The following XKR4 variants were observed in gnomAD, a reference collection of about 807,000 sequenced individuals.
The protein encoded by XKR4 is XK-related protein 4.
In XKR4, 12 loss-of-function variants were observed where a neutral mutation model predicts 53.9. The observed-to-expected ratio is 0.22, with a 90% confidence interval of 0.14 to 0.36. XKR4 has a LOEUF of 0.36. XKR4 is among the 10% of genes least tolerant of loss of function. The probability of loss-of-function intolerance (pLI) is 1.00; values close to 1 mark genes in which losing one functional copy is unlikely to be tolerated. For missense variants in XKR4, 799 were observed against 859.5 expected (o/e 0.93, Z 0.88); for synonymous variants, 354 against 362.4 (o/e 0.98, Z 0.26).
chr8:55,454,213 C>A lies in XKR4; in HGVS notation c.1007-69068C>A, dbSNP rs942067954. 1.4e-5 allele frequency: 15 copies of A among 1,072,168 alleles called. No homozygotes were observed. The Admixed American group carries it at 2.5e-4, about 18-fold the overall frequency. 66.4% of individuals were successfully genotyped at this position (1,072,168 alleles called of 1,614,324 possible). A position where few individuals can be genotyped will look rare whatever the true frequency, so the allele number is the denominator to read the frequency against. On this transcript the variant is annotated intron_variant, in intron 2 of 2. Coordinates refer to ENST00000327381, the MANE Select transcript of XKR4 (RefSeq NM_052898.2). ...GTGGCTCTAGCAAGGGTGGAATGTG[C>A]ACACACTCAGGGATGGTCACCGTCT...
chr8:55,119,707 T>C (rs1816364650), intron 1 of XKR4, among the ~76,000 whole-genome samples: 1 of 152,072 alleles, frequency 6.6e-6, no homozygotes, highest in African/African-American at 2.4e-5. Flanking sequence ...GAGAAAGAAG[T>C]TTCCTGTACT....
At chr8:55,338,035 A>G (rs1034085209) in intron 1 of XKR4, among the ~76,000 whole-genome samples, 1 of 152,214 alleles carries the variant, frequency 6.6e-6, no homozygotes, top group Non-Finnish European at 1.5e-5. Context: ...AAATAGGCCA[A>G]TTTGGCCTGC....
intron 1 of XKR4, among the ~76,000 whole-genome samples, chr8:55,246,841 G>T (rs1469109846): frequency 1.3e-5 from 2 of 151,854 alleles, no homozygotes; most frequent in African/African-American, 2.4e-5. Context: ...TGTAACAGGA[G>T]AATAATGAGA....
intron 1 of XKR4, among the ~76,000 whole-genome samples, chr8:55,334,963 C>G (rs1003134771): frequency 6.6e-5 from 10 of 152,124 alleles, no homozygotes; most frequent in African/African-American, 2.2e-4. Context: ...GGCTTTGGAT[C>G]AGCTCTTTAG....
At chr8:55,440,527 A>G (rs185340201) in intron 2 of XKR4, among the ~76,000 whole-genome samples, 240 of 152,248 alleles carry the variant, frequency 1.6e-3, no homozygotes, top group African/African-American at 4.9e-3. Flanking sequence ...CCTTAGGTTA[A>G]ATATGCACAT....
intron 2 of XKR4, among the ~76,000 whole-genome samples, chr8:55,466,651 T>C (rs1206801398): frequency 6.6e-6 from 1 of 152,054 alleles, no homozygotes; most frequent in Non-Finnish European, 1.5e-5. Flanking sequence ...AAAATATATA[T>C]GGATAAGCAC....
At position 55,533,206 on chromosome 8, in the gene XKR4, T is replaced by G. The variant is rs1806979179; in HGVS notation, c.*8979T>G. Reference sequence around the variant, plus strand: ...ATTGTGAGTCTAGAAAATGAGCACTTTGTGTGTTGAGCGCTGTTGCATTCA... The same window carrying G: ...ATTGTGAGTCTAGAAAATGAGCACTGTGTGTGTTGAGCGCTGTTGCATTCA... On this transcript the variant is annotated 3_prime_UTR_variant, in exon 3 of 3. Transcript: ENST00000327381. 6.6e-6 allele frequency: 1 copy of G among 152,182 alleles called. No homozygotes were observed. The highest frequency in any genetic ancestry group is 2.4e-5 in the African/African-American group (1 of 41,440). 9.4% of individuals were successfully genotyped at this position (152,182 alleles called of 1,614,324 possible). A position where few individuals can be genotyped will look rare whatever the true frequency, so the allele number is the denominator to read the frequency against.
chr8:55,347,350 T>C (rs1803664112), intron 1 of XKR4, among the ~76,000 whole-genome samples: 1 of 152,026 alleles, frequency 6.6e-6, no homozygotes, highest in African/African-American at 2.4e-5. Flanking sequence ...GCCTGTGTTG[T>C]GGAGGGGATG....
At position 55,529,166 on chromosome 8, in the gene XKR4, T is replaced by C. The variant is rs1314161715; in HGVS notation, c.*4939T>C. 1 of 151,802 alleles carries C rather than the reference T, an allele frequency of 6.6e-6. No homozygotes were observed. The highest frequency in any genetic ancestry group is 1.5e-5 in the Non-Finnish European group (1 of 67,998). 9.4% of individuals were successfully genotyped at this position (151,802 alleles called of 1,614,324 possible). The stretch of plus-strand genomic sequence containing the variant: ...ATTTAATTTTGCTAATTGAAGCAAT[T>C]AGTCTAACATGCAAGCAGCCTGCTC... On this transcript the variant is annotated 3_prime_UTR_variant, in exon 3 of 3. Transcript: ENST00000327381.
At chr8:55,247,125 A>G (rs4737279) in intron 1 of XKR4, among the ~76,000 whole-genome samples, 75,901 of 151,832 alleles carry the variant, frequency 0.5, 21,833 homozygotes, top group Non-Finnish European at 0.66. Context: ...TTTTTAAGCC[A>G]AAGAGGAGAA....
intron 1 of XKR4, among the ~76,000 whole-genome samples, chr8:55,315,391 C>A (rs1030819335): frequency 6.6e-6 from 1 of 152,162 alleles, no homozygotes; most frequent in African/African-American, 2.4e-5. Context: ...ATTAATATTG[C>A]AAAATAAGTA....
At position 55,438,423 on chromosome 8, in the gene XKR4, T is replaced by TAA. The variant is rs570334731; in HGVS notation, c.1006+80554_1006+80555dup. Reference sequence around the variant, plus strand: ...CAACATGGTGAAACCCCGTCTCTATTAAAAAAAAATACAAAAATGAGCCGG... The same window carrying TAA: ...CAACATGGTGAAACCCCGTCTCTATTAAAAAAAAAAATACAAAAATGAGCCGG... On this transcript the variant is annotated intron_variant, in intron 2 of 2. Transcript: ENST00000327381. Among the ~76,000 whole-genome samples the TAA allele has an allele frequency of 9.7e-3, 1,453 of 149,808 alleles. 24 individuals are homozygous for TAA. Among genetic ancestry groups the TAA allele is most frequent in the African/African-American group, 0.033 (1,330 of 40,812 alleles).
chr8:55,234,876 G>A (rs898810194), intron 1 of XKR4, among the ~76,000 whole-genome samples: 3 of 152,270 alleles, frequency 2.0e-5, no homozygotes, highest in East Asian at 1.9e-4. Flanking sequence ...CAGGGTGACC[G>A]GGAACATGAG....
chr8:55,139,203 G>A (rs570495256), intron 1 of XKR4, among the ~76,000 whole-genome samples: 18 of 152,112 alleles, frequency 1.2e-4, no homozygotes, highest in Non-Finnish European at 2.4e-4. Context: ...GGGATCCCAC[G>A]TGCTGATGAG....
chr8:55,319,722 G>A (rs554894570), intron 1 of XKR4, among the ~76,000 whole-genome samples: 1 of 152,100 alleles, frequency 6.6e-6, no homozygotes, highest in African/African-American at 2.4e-5. Context: ...ACCTACATTA[G>A]GCAAAAGCTA....
chr8:55,343,486 C>A (rs1236425910), intron 1 of XKR4, among the ~76,000 whole-genome samples: 8 of 152,176 alleles, frequency 5.3e-5, no homozygotes, highest in East Asian at 1.9e-4. Context: ...GCCCATGAAG[C>A]CTTTCGGCAT....
intron 2 of XKR4, among the ~76,000 whole-genome samples, chr8:55,388,657 A>C (rs1404952624): frequency 6.6e-6 from 1 of 152,138 alleles, no homozygotes; most frequent in Non-Finnish European, 1.5e-5. Context: ...CCATGACCTA[A>C]TCACCTCCCA....
intron 1 of XKR4, among the ~76,000 whole-genome samples, chr8:55,225,546 C>T (rs1269794605): frequency 6.6e-6 from 1 of 152,204 alleles, no homozygotes; most frequent in African/African-American, 2.4e-5. Context: ...CCATTCTCCT[C>T]CTATGGAGAC....
intron 2 of XKR4, chr8:55,453,636 T>G: frequency 4.7e-6 from 2 of 423,598 alleles, no homozygotes; most frequent in Non-Finnish European, 9.1e-6. Flanking sequence ...TGGTCCACGA[T>G]CCACTGCATG....
Sources: gnomAD v4.1 joint callset for allele counts (sites outside exome capture counted in the v4.1 genomes callset) on GRCh38, gnomAD v4.1.1 for gene constraint, MANE v1.5 for transcripts, NCBI Gene and HGNC (gene_info 2026-07-23, HGNC 2026-07-21) for gene names.